Variants in GRK4 observed in about 807,000 individuals in gnomAD.
GRK4 encodes G protein-coupled receptor kinase 2-like.
A neutral mutation model predicts 77.9 loss-of-function variants in GRK4; 73 were observed. The ratio of observed to expected loss-of-function variants is 0.94; its 90% CI spans 0.78 to 1.14. The LOEUF (loss-of-function observed/expected upper bound fraction) is 1.14, where lower values mean the gene tolerates loss of function less well. Ranked by LOEUF, GRK4 falls within the 50% of genes most tolerant of loss-of-function variation. GRK4 has a pLI of 0.00. For missense variants in GRK4, 729 were observed against 700.2 expected (o/e 1.04, Z -0.46); for synonymous variants, 257 against 254.4 (o/e 1.01, Z -0.10).
chr4:3,040,437 T>G, intron 15 of GRK4, 135 bp from the exon 16 acceptor site: 1 of 624,402 alleles, frequency 1.6e-6, no homozygotes, highest in Non-Finnish European at 2.7e-6. Flanking sequence ...TGAGACTATG[T>G]CTCAAAAAAT....
At position 3,019,712 on chromosome 4, in the gene GRK4, T is replaced by G. The variant is rs759084345; in HGVS notation, c.813T>G (p.Asp271Glu). The change falls in exon 9 of 16, where the codon GAT becomes GAG. Residue 271 changes from aspartate to glutamate, a missense_variant. Transcript: ENST00000398052. ...TGCTCACCATTATGAATGGAGGGGA[T>G]TTGAAGTTTCACATTTACAACCTGG... Reference protein sequence around the residue: ...CLVLTIMNGGDLKFHIYNLGN... With the variant: ...CLVLTIMNGGELKFHIYNLGN... 5 of 1,614,198 alleles carry G rather than the reference T, an allele frequency of 3.1e-6. No homozygotes were observed. The highest frequency in any genetic ancestry group is 4.2e-6 in the Non-Finnish European group (5 of 1,180,020).
intron 1 of GRK4, among the ~76,000 whole-genome samples, chr4:2,976,379 A>T (rs1243125857): frequency 1.4e-5 from 2 of 147,710 alleles, no homozygotes; most frequent in Non-Finnish European, 3.0e-5. Flanking sequence ...CTACAGGTGC[A>T]CACCACCATG....
At position 2,964,093 on chromosome 4, in the gene GRK4, C is replaced by T; in HGVS notation, c.23C>T (p.Ala8Val). 1 of 1,608,658 alleles carries T rather than the reference C, an allele frequency of 6.2e-7. No homozygotes were observed. MELENIV[A>V]NSLLLKARQG... is the part of the protein sequence containing the mutation. ...GACATGGAGCTCGAGAACATCGTGGCCAACTCGCTGCTGCTGAAAGCGCGT... is the reference window on the plus strand; with the variant it reads ...GACATGGAGCTCGAGAACATCGTGGTCAACTCGCTGCTGCTGAAAGCGCGT... Residue 8 changes from alanine (A) to valine (V), a missense_variant, in exon 1 of 16, where the codon GCC becomes GTC. Coordinates refer to ENST00000398052, the MANE Select transcript of GRK4 (RefSeq NM_182982.3).
chr4:3,015,519 C>G (rs1734178297), intron 8 of GRK4, among the ~76,000 whole-genome samples: 1 of 151,860 alleles, frequency 6.6e-6, no homozygotes, highest in Non-Finnish European at 1.5e-5. Flanking sequence ...ACTAAAAATA[C>G]AAAGAATTAG....
chr4:3,035,200 G>C (rs565555426), intron 12 of GRK4, among the ~76,000 whole-genome samples, 186 bp from the exon 13 acceptor site: 1 of 151,664 alleles, frequency 6.6e-6, no homozygotes, highest in Non-Finnish European at 1.5e-5. Context: ...AGCCGAGATC[G>C]CACCACTGCA....
Position 3,027,960 on chromosome 4 carries a change from G to A in GRK4, c.1019G>A (p.Gly340Glu), listed in dbSNP as rs1447844541. ...GGTTTGGCCACAGAGATCCCAGAAG[G>A]ACAGAGGGTTCGAGGAAGAGTTGGA... is the stretch of plus-strand genomic sequence containing the variant. The part of the protein sequence containing the change: ...DLGLATEIPE[G>E]QRVRGRVGTV... Residue 340 changes from glycine to glutamate, a missense_variant, in exon 11 of 16, where the codon GGA becomes GAA. Gly to Glu is a moderately conservative substitution (Grantham distance 98). Transcript: ENST00000398052. 5 of 1,614,148 alleles carry A rather than the reference G, an allele frequency of 3.1e-6. No homozygotes were observed. The South Asian group carries it at 4.4e-5, about 14-fold the overall frequency.
intron 15 of GRK4, chr4:3,038,934 G>C (rs1578441073): frequency 6.2e-6 from 1 of 160,946 alleles, no homozygotes; most frequent in East Asian, 1.8e-4. Context: ...AGGGAATCCT[G>C]GCTGGGTGCG....
At chr4:3,038,266 G>T (rs1489533179) in intron 14 of GRK4, 110 bp from the exon 15 acceptor site, 44 of 1,366,784 alleles carry the variant, frequency 3.2e-5, no homozygotes, top group Non-Finnish European at 4.2e-5. Context: ...GGGTGCAGGA[G>T]CTCTGAGGTG....
chr4:2,975,985 A>G (rs1721026150), intron 1 of GRK4, among the ~76,000 whole-genome samples: 1 of 152,124 alleles, frequency 6.6e-6, no homozygotes, highest in African/African-American at 2.4e-5. Context: ...CAAATCCCCA[A>G]ACAGGCCGGT....
chr4:2,986,254 C>T (rs1724298219), intron 2 of GRK4, among the ~76,000 whole-genome samples: 1 of 141,474 alleles, frequency 7.1e-6, no homozygotes, highest in Non-Finnish European at 1.5e-5. Flanking sequence ...TTTCTTTTCT[C>T]GATTATGGAT....
intron 11 of GRK4, among the ~76,000 whole-genome samples, chr4:3,028,327 A>C (rs139041614): frequency 6.6e-6 from 1 of 152,160 alleles, no homozygotes; most frequent in African/African-American, 2.4e-5. Flanking sequence ...GGCCTCTCGG[A>C]GCCTCAGGAA....
chr4:3,000,083 A>C (rs1292894761), intron 4 of GRK4, among the ~76,000 whole-genome samples: 1 of 152,208 alleles, frequency 6.6e-6, no homozygotes, highest in East Asian at 1.9e-4. Context: ...TTTAAAAAGC[A>C]AGGCACTAAG....
At chr4:3,008,039 G>A (rs971139634) in intron 6 of GRK4, among the ~76,000 whole-genome samples, 2 of 152,098 alleles carry the variant, frequency 1.3e-5, no homozygotes, top group African/African-American at 4.8e-5. Context: ...AAAGAAAAGA[G>A]ACCTCAATAA....
At chr4:3,031,171 T>G (rs1304550618) in intron 12 of GRK4, among the ~76,000 whole-genome samples, 1 of 150,980 alleles carries the variant, frequency 6.6e-6, no homozygotes, top group Non-Finnish European at 1.5e-5. Context: ...GCACGGGGAG[T>G]GTGTGGGCAG....
chr4:3,024,666 C>A (rs1382145938), intron 10 of GRK4, among the ~76,000 whole-genome samples: 1 of 152,064 alleles, frequency 6.6e-6, no homozygotes, highest in Admixed American at 6.6e-5. Flanking sequence ...TCGAGACCAG[C>A]CTGGCCAACA....
intron 12 of GRK4, among the ~76,000 whole-genome samples, chr4:3,034,678 T>C (rs2110078815): frequency 6.6e-6 from 1 of 152,352 alleles, no homozygotes; most frequent in Non-Finnish European, 1.5e-5. Context: ...AAGAATATAC[T>C]AGAATACCAA....
chr4:3,028,053 G>A (rs1738086050), intron 11 of GRK4, 52 bp downstream of exon 11: 2 of 1,513,074 alleles, frequency 1.3e-6, no homozygotes, highest in African/African-American at 1.4e-5. Context: ...GTGCCTGAGT[G>A]CCTCAGAACA....
At chr4:3,026,591 T>C (rs959676522) in intron 10 of GRK4, among the ~76,000 whole-genome samples, 10 of 151,922 alleles carry the variant, frequency 6.6e-5, no homozygotes, top group African/African-American at 1.7e-4. Flanking sequence ...GAAAATGAAA[T>C]GTGGATTATT....
At chr4:3,010,214 TTTTTG>T (rs56964555) in intron 7 of GRK4, among the ~76,000 whole-genome samples, 16 of 151,942 alleles carry the variant, frequency 1.1e-4, no homozygotes, top group East Asian at 1.9e-4. Context: ...AGGGGTGTTT[TTTTTG>T]TTTTGTTTTG....
Sources: allele counts gnomAD v4.1 joint callset (sites outside exome capture counted in the v4.1 genomes callset), GRCh38; gene constraint gnomAD v4.1.1; transcripts MANE v1.5; gene names NCBI Gene and HGNC (gene_info 2026-07-23, HGNC 2026-07-21).